Variants in CA8 observed in about 807,000 individuals in gnomAD.
The protein encoded by CA8 is carbonic anhydrase-related protein.
A neutral mutation model predicts 41.4 loss-of-function variants in CA8; 22 were observed. The ratio of observed to expected loss-of-function variants is 0.53; its 90% CI spans 0.38 to 0.76. The LOEUF is 0.76. Among genes scored for constraint, CA8 ranks in the 30% least tolerant of loss-of-function variants. The pLI is 0.00. For missense variants in CA8, 270 were observed against 352.8 expected (o/e 0.77, Z 1.88); for synonymous variants, 121 against 130.6 (o/e 0.93, Z 0.50).
chr8:60,212,324 G>A (rs1207548223), intron 7 of CA8, among the ~76,000 whole-genome samples: 1 of 152,204 alleles, frequency 6.6e-6, no homozygotes, highest in Non-Finnish European at 1.5e-5. Flanking sequence ...GAGTTCCCAA[G>A]TTCTAATAGA....
rs910908809 is a variant in CA8, at chr8:60,235,086, C to T, written c.418-2707G>A. On this transcript the variant is annotated intron_variant, in intron 3 of 8. Transcript: ENST00000317995. The stretch of plus-strand genomic sequence containing the variant: ...ACTCTGCTACCCATGCACCTTTCCT[C>T]TCCATCTGTATGAGTCTGCTAGGGC... 3.9e-5 allele frequency among the ~76,000 whole-genome samples: 6 copies of T among 152,344 alleles called. No individual in the cohort carries two copies. The East Asian group carries it at 9.7e-4, about 25-fold the overall frequency.
intron 8 of CA8, among the ~76,000 whole-genome samples, chr8:60,203,170 A>C (rs1293607808): frequency 6.6e-6 from 1 of 152,186 alleles, no homozygotes; most frequent in Admixed American, 6.5e-5. Context: ...GAAAACAGAG[A>C]GGAGAACATT....
rs1235886895 is a variant in CA8 at position 60,186,319 on chromosome 8, GTTA to G, written c.*3699_*3701del. ...TAACTAAATAACTCACTGTAATAAAGTTATTATAAATCTGAAATAGATTCTGAT... is the reference window on the plus strand; with the variant it reads ...TAACTAAATAACTCACTGTAATAAAGTTATAAATCTGAAATAGATTCTGAT... On this transcript the variant is annotated 3_prime_UTR_variant, in exon 9 of 9. Coordinates refer to ENST00000317995, the MANE Select transcript of CA8 (RefSeq NM_004056.6). Among the ~76,000 whole-genome samples the G allele has an allele frequency of 6.6e-6, 1 of 151,598 alleles. No individual in the cohort carries two copies. Among genetic ancestry groups the G allele is most frequent in the Non-Finnish European group, 1.5e-5 (1 of 67,850 alleles).
intron 3 of CA8, among the ~76,000 whole-genome samples, chr8:60,243,428 T>C (rs1808110815): frequency 7.4e-6 from 1 of 135,602 alleles, no homozygotes; most frequent in East Asian, 2.2e-4. Flanking sequence ...GTTTCTCCTC[T>C]TTAAAAAAAA....
chr8:60,197,189 T>C (rs1398457049), intron 8 of CA8, among the ~76,000 whole-genome samples: 6 of 152,190 alleles, frequency 3.9e-5, no homozygotes, highest in Admixed American at 6.5e-5. Flanking sequence ...CACAGTATTA[T>C]TGATGACAGC....
chr8:60,252,208 G>A (rs532925123), intron 3 of CA8, among the ~76,000 whole-genome samples: 55 of 152,356 alleles, frequency 3.6e-4, no homozygotes, highest in African/African-American at 1.3e-3. Context: ...GGGTGTGACA[G>A]AAAGGGAGAG....
intron 3 of CA8, among the ~76,000 whole-genome samples, chr8:60,234,821 C>T (rs927320603): frequency 1.3e-5 from 2 of 152,182 alleles, no homozygotes; most frequent in African/African-American, 4.8e-5. Flanking sequence ...AAAAACAAAG[C>T]TCTGTCCTGC....
chr8:60,216,060 C>T (rs1310906743), intron 7 of CA8, among the ~76,000 whole-genome samples: 1 of 152,166 alleles, frequency 6.6e-6, no homozygotes, highest in East Asian at 1.9e-4. Context: ...AAACTACCTG[C>T]CATTCATTGT....
At chr8:60,211,979 T>C (rs1193718312) in intron 7 of CA8, among the ~76,000 whole-genome samples, 1 of 152,248 alleles carries the variant, frequency 6.6e-6, no homozygotes, top group Non-Finnish European at 1.5e-5. Context: ...TTATCACATA[T>C]ATCTGAATGT....
intron 7 of CA8, among the ~76,000 whole-genome samples, chr8:60,217,862 T>C (rs142514851): frequency 1.4e-4 from 22 of 152,272 alleles, no homozygotes; most frequent in African/African-American, 5.3e-4. Context: ...CTTCCCTCCA[T>C]CTCATTGCCA....
intron 3 of CA8, among the ~76,000 whole-genome samples, chr8:60,246,232 A>T (rs2130536346): frequency 6.6e-6 from 1 of 152,292 alleles, no homozygotes; most frequent in Non-Finnish European, 1.5e-5. Context: ...TCAAATAACA[A>T]AAACAAAATT....
chr8:60,271,785 TTAAG>T (rs1306815546), intron 2 of CA8, among the ~76,000 whole-genome samples: 1 of 152,196 alleles, frequency 6.6e-6, no homozygotes, highest in Non-Finnish European at 1.5e-5. Flanking sequence ...TTCTCACTAC[TTAAG>T]TATCAAGCCA....
intron 3 of CA8, among the ~76,000 whole-genome samples, chr8:60,239,713 T>C (rs1807952761): frequency 6.6e-6 from 1 of 152,212 alleles, no homozygotes. Context: ...GCTCCCATAA[T>C]TCTCACTTGT....
At chr8:60,270,844 T>C (rs1804047944) in intron 2 of CA8, among the ~76,000 whole-genome samples, 3 of 152,374 alleles carry the variant, frequency 2.0e-5, no homozygotes, top group Admixed American at 1.3e-4. Context: ...ATTTGAGGCC[T>C]TAAAAGCAAA....
At position 60,230,500 on chromosome 8, in the gene CA8, T is replaced by C. The variant is rs951843259; in HGVS notation, c.513+1784A>G. Among the ~76,000 whole-genome samples the C allele has an allele frequency of 3.9e-5, 6 of 152,112 alleles. No individual in the cohort carries two copies. The East Asian group carries it at 9.6e-4, about 24-fold the overall frequency. ...CTTCTTGGAAGGAAAGTCTACTCAA[T>C]GTCTCCGACCTCCTCCCTCCAAATT... On this transcript the variant is annotated intron_variant, in intron 4 of 8. Transcript: ENST00000317995.
chr8:60,222,735 A>G lies in CA8; in HGVS notation c.652T>C (p.Tyr218His). The G allele has an allele frequency of 6.2e-7, 1 of 1,613,578 alleles. No homozygotes were observed. Among genetic ancestry groups the G allele is most frequent in the Non-Finnish European group, 8.5e-7 (1 of 1,179,462 alleles). ...PDPLLRDYWV[Y>H]EGSLTIPPCS... The stretch of plus-strand genomic sequence containing the variant: ...GGTGGGATGGTGAGAGAGCCTTCAT[A>G]CACCCAGTAATCCCGCAGCAGAGGG... The change falls in exon 7 of 9, where the codon TAT becomes CAT. Residue 218 changes from tyrosine (Y) to histidine (H), a missense_variant. Around this residue, in one of 3 missense-constraint regions of CA8, gnomAD observed 141 missense variants for 191.6 expected, o/e 0.74. Transcript: ENST00000317995.
chr8:60,260,817 T>A (rs1443549600), intron 3 of CA8, among the ~76,000 whole-genome samples: 1 of 152,190 alleles, frequency 6.6e-6, no homozygotes, highest in East Asian at 1.9e-4. Context: ...GGAAAATCAA[T>A]GGAAATCCCT....
chr8:60,252,143 G>C (rs1462865019), intron 3 of CA8, among the ~76,000 whole-genome samples: 1 of 151,920 alleles, frequency 6.6e-6, no homozygotes, highest in Non-Finnish European at 1.5e-5. Flanking sequence ...AGAGCCCCCA[G>C]GTGCACTGAT....
At chr8:60,215,127 T>G (rs1481560778) in intron 7 of CA8, among the ~76,000 whole-genome samples, 1 of 152,188 alleles carries the variant, frequency 6.6e-6, no homozygotes, top group African/African-American at 2.4e-5. Context: ...GATTAATATG[T>G]ATTCACATTT....
Sources: gnomAD v4.1 joint callset for allele counts (sites outside exome capture counted in the v4.1 genomes callset) on GRCh38, gnomAD v4.1.1 for gene constraint, gnomAD v4.1.1 regional missense constraint, MANE v1.5 for transcripts, NCBI Gene and HGNC (gene_info 2026-07-23, HGNC 2026-07-21) for gene names.